The following STAU2 variants were observed in gnomAD, a reference collection of about 807,000 sequenced individuals.
STAU2 encodes staufen double-stranded RNA binding protein 2, also known as double-stranded RNA-binding protein Staufen homolog 2.
In STAU2, 20 loss-of-function variants were observed where a neutral mutation model predicts 65.9. The observed-to-expected ratio is 0.30, with a 90% CI of 0.21 to 0.44. The LOEUF is 0.44. Among genes scored for constraint, STAU2 ranks in the 20% least tolerant of loss-of-function variants. STAU2 has a pLI of 1.00. For missense variants in STAU2, 558 were observed against 683.9 expected (o/e 0.82, Z 2.05); for synonymous variants, 232 against 233.9 (o/e 0.99, Z 0.07).
At chr8:73,477,746 C>T (rs1366323199) in intron 13 of STAU2, among the ~76,000 whole-genome samples, 1 of 152,058 alleles carries the variant, frequency 6.6e-6, no homozygotes, top group Non-Finnish European at 1.5e-5. Flanking sequence ...AGGAAGGTGT[C>T]CAAAATGCAA....
chr8:73,745,106 A>G (rs1807180130), intron 1 of STAU2, among the ~76,000 whole-genome samples: 1 of 152,256 alleles, frequency 6.6e-6, no homozygotes, highest in Non-Finnish European at 1.5e-5. Context: ...ACCATATAAT[A>G]AAATATGGCA....
chr8:73,587,562 A>G (rs1249690208), intron 11 of STAU2, among the ~76,000 whole-genome samples: 1 of 152,216 alleles, frequency 6.6e-6, no homozygotes, highest in Non-Finnish European at 1.5e-5. Context: ...AAAAAACTGC[A>G]TGATGTGCTT....
At chr8:73,465,975 C>T (rs1819631124) in intron 13 of STAU2, among the ~76,000 whole-genome samples, 1 of 152,190 alleles carries the variant, frequency 6.6e-6, no homozygotes, top group East Asian at 1.9e-4. Flanking sequence ...GCCACCACGC[C>T]CAGCTAATTT....
intron 6 of STAU2, among the ~76,000 whole-genome samples, chr8:73,619,496 C>G (rs1664962359): frequency 6.6e-6 from 1 of 152,186 alleles, no homozygotes; most frequent in African/African-American, 2.4e-5. Context: ...TAGTGACGCT[C>G]TATGTCCAAC....
intron 6 of STAU2, among the ~76,000 whole-genome samples, chr8:73,651,076 T>G (rs1815831553): frequency 1.3e-5 from 2 of 152,230 alleles, no homozygotes; most frequent in South Asian, 4.1e-4. Flanking sequence ...CTCCGTGGAC[T>G]GGCTCTCCCA....
At chr8:73,544,323 C>A (rs1335436034) in intron 13 of STAU2, among the ~76,000 whole-genome samples, 2 of 152,190 alleles carry the variant, frequency 1.3e-5, no homozygotes, top group African/African-American at 4.8e-5. Flanking sequence ...TTTCTATTAT[C>A]AAGTCTGTCT....
At chr8:73,633,934 T>C (rs975350136) in intron 6 of STAU2, among the ~76,000 whole-genome samples, 16 of 152,076 alleles carry the variant, frequency 1.1e-4, no homozygotes, top group South Asian at 8.3e-4. Flanking sequence ...GCCGAGATCA[T>C]GCCACGGAAC....
chr8:73,462,048 A>C (rs1248054714), intron 13 of STAU2, among the ~76,000 whole-genome samples: 1 of 150,382 alleles, frequency 6.6e-6, no homozygotes, highest in Non-Finnish European at 1.5e-5. Flanking sequence ...TCTATCGGTA[A>C]AAAAATTTCA....
chr8:73,449,975 C>A (rs1818714936), intron 13 of STAU2, among the ~76,000 whole-genome samples: 1 of 152,228 alleles, frequency 6.6e-6, no homozygotes, highest in African/African-American at 2.4e-5. Flanking sequence ...GGGCCAGATA[C>A]CTTCCAAGAG....
At chr8:73,741,747 G>A (rs1226477460) in intron 1 of STAU2, among the ~76,000 whole-genome samples, 3 of 152,062 alleles carry the variant, frequency 2.0e-5, no homozygotes, top group East Asian at 1.9e-4. Context: ...TCCTGGCCTC[G>A]GGTGATCCAT....
chr8:73,471,213 C>G (rs1300418311), intron 13 of STAU2, among the ~76,000 whole-genome samples: 2 of 143,274 alleles, frequency 1.4e-5, no homozygotes, highest in Non-Finnish European at 3.0e-5. Context: ...CACTCTGTTG[C>G]CCAGGCTGCA....
At chr8:73,709,799 AT>A (rs988868186) in intron 3 of STAU2, among the ~76,000 whole-genome samples, 25 of 152,162 alleles carry the variant, frequency 1.6e-4, no homozygotes, top group African/African-American at 4.8e-4. Context: ...TAAAAAAAAA[AT>A]AAGTGGTATT....
intron 12 of STAU2, among the ~76,000 whole-genome samples, chr8:73,565,642 T>A (rs143310444): frequency 0.035 from 5,364 of 152,290 alleles, 268 homozygotes; most frequent in Admixed American, 0.13. Flanking sequence ...ATACTTTGAT[T>A]TAACCCACCA....
intron 3 of STAU2, among the ~76,000 whole-genome samples, chr8:73,722,261 T>A (rs1821735831): frequency 6.6e-6 from 1 of 152,200 alleles, no homozygotes; most frequent in Non-Finnish European, 1.5e-5. Flanking sequence ...CTTGTTAATA[T>A]TTTTGCTTTA....
rs1318107244 is a variant in STAU2 at position 73,527,653 on chromosome 8, G to T, written c.1530+24359C>A. On this transcript the variant is annotated intron_variant, in intron 13 of 14. Transcript: ENST00000524300. ...TTTGATGGCCTTCCATTTCCGAGCT[G>T]GGCCATAACACAGCAAAATGGCAGT... The T allele has an allele frequency of 3.4e-6, 5 of 1,476,908 alleles. No homozygotes were observed. In the Admixed American group the frequency reaches 7.9e-5, roughly 23 times the overall value. The allele number at this position is 1,476,908 out of a possible 1,614,324, so 91.5% of individuals were successfully genotyped here.
intron 6 of STAU2, among the ~76,000 whole-genome samples, chr8:73,619,137 TA>T (rs764244164): frequency 6.6e-6 from 1 of 152,074 alleles, no homozygotes; most frequent in Non-Finnish European, 1.5e-5. Flanking sequence ...TTTAAAGGCA[TA>T]ATATAATGAG....
chr8:73,643,237 C>CTTT (rs1170331462), intron 6 of STAU2, among the ~76,000 whole-genome samples: 4 of 152,228 alleles, frequency 2.6e-5, no homozygotes, highest in Non-Finnish European at 5.9e-5. Flanking sequence ...TCCAATTAAA[C>CTTT]ATCCTCCACA....
chr8:73,542,154 C>T (rs527486214), intron 13 of STAU2, among the ~76,000 whole-genome samples: 7 of 151,968 alleles, frequency 4.6e-5, no homozygotes, highest in East Asian at 1.9e-4. Flanking sequence ...ATAATCAAAT[C>T]GGTGAAAAAC....
intron 11 of STAU2, among the ~76,000 whole-genome samples, chr8:73,586,327 GAA>G (rs1419318261): frequency 6.6e-6 from 1 of 152,170 alleles, no homozygotes; most frequent in Non-Finnish European, 1.5e-5. Context: ...GGCTGAAACA[GAA>G]AGATTTGTCT....
Sources: allele counts gnomAD v4.1 joint callset (sites outside exome capture counted in the v4.1 genomes callset), GRCh38; gene constraint gnomAD v4.1.1; transcripts MANE v1.5; gene names NCBI Gene and HGNC (gene_info 2026-07-23, HGNC 2026-07-21).